The following POU2F3 variants were observed in gnomAD, a reference collection of about 807,000 sequenced individuals.
The protein encoded by POU2F3 is POU class 2 homeobox 3, also known as POU domain, class 2, transcription factor 3.
POU2F3 carries 23 observed loss-of-function variants against 59.2 expected under a neutral mutation model. The observed-to-expected ratio is 0.39, with a 90% CI of 0.28 to 0.55. The LOEUF is 0.55. POU2F3 is among the 20% of genes least tolerant of loss of function. The probability of loss-of-function intolerance (pLI) is 0.66; values close to 1 mark genes in which losing one functional copy is unlikely to be tolerated. For missense variants in POU2F3, 473 were observed against 544.5 expected (o/e 0.87, Z 1.31); for synonymous variants, 190 against 214.6 (o/e 0.89, Z 1.00).
At chr11:120,317,031 T>C (rs1423213158) in intron 11 of POU2F3, 198 bp from the exon 12 acceptor site, 1 of 621,294 alleles carries the variant, frequency 1.6e-6, no homozygotes, top group African/African-American at 1.8e-5. Flanking sequence ...GCAGAGAGCA[T>C]TTGTGACGAC....
At chr11:120,300,997 A>G (rs1941332424) in intron 5 of POU2F3, 1 of 454,998 alleles carries the variant, frequency 2.2e-6, no homozygotes, top group South Asian at 1.6e-5. Context: ...TAAACATCAT[A>G]CTCCTGGAAT....
intron 3 of POU2F3, among the ~76,000 whole-genome samples, chr11:120,296,018 G>C (rs757447944): frequency 6.6e-6 from 1 of 152,180 alleles, no homozygotes; most frequent in Admixed American, 6.5e-5. Context: ...GATGGGCCAC[G>C]TCTACCAAAT....
intron 2 of POU2F3, among the ~76,000 whole-genome samples, chr11:120,267,789 A>T (rs975284492): frequency 4.6e-5 from 7 of 151,690 alleles, no homozygotes; most frequent in Non-Finnish European, 1.0e-4. Context: ...GAATATATAG[A>T]TGCATATATA....
intron 2 of POU2F3, among the ~76,000 whole-genome samples, chr11:120,253,208 A>G (rs919869659): frequency 6.6e-5 from 10 of 152,014 alleles, no homozygotes; most frequent in African/African-American, 2.4e-4. Context: ...CTCACACCCA[A>G]TTCAGCTGGA....
chr11:120,270,228 T>C (rs1230355477), intron 3 of POU2F3, among the ~76,000 whole-genome samples: 1 of 152,134 alleles, frequency 6.6e-6, no homozygotes, highest in East Asian at 1.9e-4. Context: ...CTATGCCAGG[T>C]ATGGGAACAC....
chr11:120,309,655 G>A (rs1941602201), intron 10 of POU2F3, 69 bp downstream of exon 10: 1 of 1,546,052 alleles, frequency 6.5e-7, no homozygotes, highest in Admixed American at 1.7e-5. Context: ...GGAAGGTGGT[G>A]GCTGCAGGGA....
Position 120,246,664 on chromosome 11 carries a change from G to A in POU2F3, c.97+147G>A, listed in dbSNP as rs116271077. 8.9e-3 allele frequency: 6,751 copies of A among 755,738 alleles called. 349 individuals are homozygous for A. In the African/African-American group the frequency reaches 0.11, roughly 12 times the overall value. The allele number at this position is 755,738 out of a possible 1,614,324, so 46.8% of individuals were successfully genotyped here. ...TTAGGAACTAAGGGAATTCCCTGAG[G>A]ACATGGGATATGATTCTGGAGCCTT... is the stretch of plus-strand genomic sequence containing the variant. On this transcript the variant is annotated intron_variant, in intron 2 of 12. Coordinates refer to ENST00000543440, the MANE Select transcript of POU2F3 (RefSeq NM_014352.4).
intron 2 of POU2F3, among the ~76,000 whole-genome samples, chr11:120,255,283 GA>G (rs1939287682): frequency 6.6e-6 from 1 of 152,176 alleles, no homozygotes; most frequent in African/African-American, 2.4e-5. Context: ...CTCAGCTGGG[GA>G]CACTCCACCT....
At chr11:120,291,167 C>T (rs1941006405) in intron 3 of POU2F3, among the ~76,000 whole-genome samples, 1 of 152,182 alleles carries the variant, frequency 6.6e-6, no homozygotes, top group South Asian at 2.1e-4. Context: ...AGAGTTCTTT[C>T]TTTTGACTGC....
rs941825324 is a variant in POU2F3 at position 120,309,879 on chromosome 11, G to T, written c.1068+293G>T. ...GGGGGAATGAATGTTCTAGGCAGAG[G>T]ACCTAGCAAGTGAAAAGAGCCAGTA... On this transcript the variant is annotated intron_variant, in intron 10 of 12. Transcript: ENST00000543440. Among the ~76,000 whole-genome samples, 7 of 152,128 alleles carry T rather than the reference G, an allele frequency of 4.6e-5. 1 individual carries two copies. Among genetic ancestry groups the T allele is most frequent in the Admixed American group, 2.0e-4 (3 of 15,268 alleles).
rs952040029 is a variant in POU2F3 at position 120,309,280 on chromosome 11, G to A, written c.907-145G>A. The A allele has an allele frequency of 1.8e-5, 14 of 783,654 alleles. No homozygotes were observed. In the African/African-American group the frequency reaches 2.4e-4, roughly 14 times the overall value. 48.5% of individuals were successfully genotyped at this position (783,654 alleles called of 1,614,324 possible). A position where few individuals can be genotyped will look rare whatever the true frequency, so the allele number is the denominator to read the frequency against. On this transcript the variant is annotated intron_variant, in intron 9 of 12. Coordinates refer to ENST00000543440, the MANE Select transcript of POU2F3 (RefSeq NM_014352.4). ...TAAGAAAGTTTTGTAAGGACACGTA[G>A]TAAGTGAAAAAGCCAGTATTTCATC...
chr11:120,257,177 T>C (rs1939377411), intron 2 of POU2F3, among the ~76,000 whole-genome samples: 1 of 152,246 alleles, frequency 6.6e-6, no homozygotes, highest in Non-Finnish European at 1.5e-5. Flanking sequence ...GAAAATTCTC[T>C]GATCTTGCCC....
At chr11:120,239,821 G>T (rs191919065), upstream of POU2F3, among the ~76,000 whole-genome samples, 1 of 152,330 alleles carries the variant, frequency 6.6e-6, no homozygotes, top group African/African-American at 2.4e-5. Context: ...ACTCCTTGCA[G>T]CGCTTACACT....
intron 2 of POU2F3, among the ~76,000 whole-genome samples, chr11:120,262,469 T>C (rs1182405161): frequency 6.6e-6 from 1 of 152,242 alleles, no homozygotes; most frequent in Non-Finnish European, 1.5e-5. Context: ...TTCTTTTAAA[T>C]TACAGGCATT....
At chr11:120,258,041 T>C (rs1384084975) in intron 2 of POU2F3, among the ~76,000 whole-genome samples, 1 of 152,218 alleles carries the variant, frequency 6.6e-6, no homozygotes, top group Non-Finnish European at 1.5e-5. Context: ...AGTTTTCAAG[T>C]GTGAGTTGCT....
intron 6 of POU2F3, 147 bp from the exon 7 acceptor site, chr11:120,304,883 G>T: frequency 1.9e-6 from 1 of 530,732 alleles, no homozygotes; most frequent in Non-Finnish European, 3.0e-6. Flanking sequence ...AAAAATATAA[G>T]ACTCCAATGT....
At chr11:120,245,397 G>C (rs992558118) in intron 1 of POU2F3, among the ~76,000 whole-genome samples, 2 of 152,152 alleles carry the variant, frequency 1.3e-5, no homozygotes, top group African/African-American at 4.8e-5. Flanking sequence ...TGCTTGACTG[G>C]GATTGGCTGG....
intron 9 of POU2F3, among the ~76,000 whole-genome samples, chr11:120,307,916 G>A (rs1453186013): frequency 2.0e-5 from 3 of 152,170 alleles, no homozygotes; most frequent in Non-Finnish European, 4.4e-5. Flanking sequence ...AGAACACAGT[G>A]TATCTCCGTA....
At chr11:120,236,760 T>A, upstream of POU2F3, 2 of 1,401,888 alleles carry the variant, frequency 1.4e-6, no homozygotes, top group South Asian at 1.2e-5. Context: ...AAATGATCAG[T>A]GAGCAAGTCT....
Sources: allele counts gnomAD v4.1 joint callset (sites outside exome capture counted in the v4.1 genomes callset), GRCh38; gene constraint gnomAD v4.1.1; transcripts MANE v1.5; gene names NCBI Gene and HGNC (gene_info 2026-07-23, HGNC 2026-07-21).